CACNA2D2: variants seen among roughly 807,000 people sequenced by gnomAD.
CACNA2D2 encodes the protein voltage-dependent calcium channel subunit alpha-2/delta-2.
CACNA2D2 carries 48 observed loss-of-function variants against 166.4 expected under a neutral mutation model. That is an observed-to-expected ratio of 0.29 (90% CI 0.23 to 0.37). CACNA2D2 has a LOEUF of 0.37. CACNA2D2 is among the 10% of genes least tolerant of loss of function. CACNA2D2 has a pLI of 1.00. For synonymous variants in CACNA2D2, 561 were observed against 573.7 expected (o/e 0.98, Z 0.32); for missense variants, 1,122 against 1,433.0 (o/e 0.78, Z 3.50).
intron 2 of CACNA2D2, among the ~76,000 whole-genome samples, chr3:50,472,339 G>A (rs1710133511): frequency 6.6e-6 from 1 of 152,250 alleles, no homozygotes; most frequent in Non-Finnish European, 1.5e-5. Context: ...CAAGCTATGA[G>A]TGGTTGATGA....
Position 50,367,642 on chromosome 3 carries a change from T to G in CACNA2D2, c.2297A>C (p.Lys766Thr), listed in dbSNP as rs368699159. 6.2e-6 allele frequency: 10 copies of G among 1,611,512 alleles called. No homozygotes were observed. Among genetic ancestry groups the G allele is most frequent in the Non-Finnish European group, 8.5e-6 (10 of 1,178,190 alleles). The stretch of plus-strand genomic sequence containing the variant: ...TTGGGTAGTGGGATAGGTCACTTAC[T>G]TGTTGGGGAAGACTCGGGTGATGCC... The part of the protein sequence containing the change: ...DGGITRVFPN[K>T]AAEDWTENPE... The change falls in exon 26 of 38, where the codon AAG (lysine) becomes ACG (threonine). Residue 766 changes from lysine to threonine, a missense_variant and splice_region_variant. Coordinates refer to ENST00000424201, the MANE Select transcript of CACNA2D2 (RefSeq NM_006030.4). The surrounding 1 kb of genome is among the most constrained non-coding windows in gnomAD (Gnocchi z 6.5).
intron 3 of CACNA2D2, among the ~76,000 whole-genome samples, chr3:50,420,771 T>C (rs1033977054): frequency 2.6e-5 from 4 of 152,184 alleles, no homozygotes; most frequent in African/African-American, 9.7e-5. Flanking sequence ...CCCATCCATG[T>C]GTGGCTATAT....
intron 2 of CACNA2D2, among the ~76,000 whole-genome samples, chr3:50,473,440 T>TG (rs1236955804): frequency 6.6e-6 from 1 of 152,238 alleles, no homozygotes; most frequent in Non-Finnish European, 1.5e-5. Flanking sequence ...CCAAGGGGCC[T>TG]GGATGCCAGA....
intron 2 of CACNA2D2, among the ~76,000 whole-genome samples, chr3:50,475,782 TC>T (rs1710284016): frequency 6.6e-6 from 1 of 152,154 alleles, no homozygotes; most frequent in Admixed American, 6.5e-5. Context: ...CACCCCTGCG[TC>T]CACTGACCCC....
intron 3 of CACNA2D2, among the ~76,000 whole-genome samples, chr3:50,409,195 A>C (rs1706870325): frequency 6.6e-6 from 1 of 152,210 alleles, no homozygotes; most frequent in Non-Finnish European, 1.5e-5. Flanking sequence ...ATTAATGATA[A>C]AACAGAGGAA....
intron 1 of CACNA2D2, among the ~76,000 whole-genome samples, chr3:50,480,615 G>A (rs1698005246): frequency 6.6e-6 from 1 of 151,606 alleles, no homozygotes; most frequent in Non-Finnish European, 1.5e-5. Context: ...AGGAGTTGGG[G>A]AGGGAGAGGG....
intron 13 of CACNA2D2, 102 bp downstream of exon 13, chr3:50,378,813 G>A (rs1002099052): frequency 1.3e-5 from 18 of 1,368,396 alleles, no homozygotes; most frequent in Middle Eastern, 2.4e-4. Flanking sequence ...GTCTTGCAGC[G>A]GGTGAACACA....
At chr3:50,368,896 G>C (rs749451965) in intron 23 of CACNA2D2, among the ~76,000 whole-genome samples, 4 of 152,244 alleles carry the variant, frequency 2.6e-5, no homozygotes, top group Non-Finnish European at 5.9e-5. Context: ...TGCCTAGGAA[G>C]TCTTGGGAGC....
rs1427606406 is a variant in CACNA2D2 at position 50,363,117 on chromosome 3, T to A, written c.*1549A>T. The A allele has an allele frequency of 1.0e-5, 4 of 398,698 alleles. No homozygotes were observed. The highest frequency in any genetic ancestry group is 7.1e-5 in the East Asian group (2 of 28,092). 24.7% of individuals were successfully genotyped at this position (398,698 alleles called of 1,614,324 possible). A position where few individuals can be genotyped will look rare whatever the true frequency, so the allele number is the denominator to read the frequency against. ...GTTTTTCTGTTTTTTAAACTTAAAA[T>A]ATATATTTTTCTGTATATGTTTATA... On this transcript the variant is annotated 3_prime_UTR_variant, in exon 38 of 38. Coordinates refer to ENST00000424201, the MANE Select transcript of CACNA2D2 (RefSeq NM_006030.4).
intron 2 of CACNA2D2, among the ~76,000 whole-genome samples, chr3:50,438,068 G>A (rs1038388666): frequency 6.6e-6 from 1 of 152,238 alleles, no homozygotes; most frequent in African/African-American, 2.4e-5. Flanking sequence ...CCCACAGAGA[G>A]TGCCAGGATG....
At chr3:50,429,476 G>A (rs1707961814) in intron 3 of CACNA2D2, among the ~76,000 whole-genome samples, 1 of 151,748 alleles carries the variant, frequency 6.6e-6, no homozygotes, top group African/African-American at 2.4e-5. Flanking sequence ...ACTCTGGCCG[G>A]GCGCGGTGGC....
At chr3:50,499,577 C>A (rs1463318698) in intron 1 of CACNA2D2, among the ~76,000 whole-genome samples, 2 of 152,166 alleles carry the variant, frequency 1.3e-5, no homozygotes, top group Admixed American at 6.5e-5. Flanking sequence ...CAAACTACAT[C>A]CTCCCAGGAG....
Position 50,499,592 on chromosome 3 carries a change from CA to C in CACNA2D2, c.206+3625del, listed in dbSNP as rs201496304. Among the ~76,000 whole-genome samples, 1,262 of 152,342 alleles carry C rather than the reference CA, an allele frequency of 8.3e-3. 22 individuals are homozygous for C. Among genetic ancestry groups the C allele is most frequent in the African/African-American group, 0.027 (1,120 of 41,572 alleles). On this transcript the variant is annotated intron_variant, in intron 1 of 37. Transcript: ENST00000424201. ...CAAACTACATCCTCCCAGGAGCTGG[CA>C]GTGTCCACCCATACACATCTGAGAT...
intron 1 of CACNA2D2, among the ~76,000 whole-genome samples, chr3:50,501,576 G>A (rs1408051480): frequency 2.0e-5 from 3 of 152,218 alleles, no homozygotes; most frequent in African/African-American, 7.2e-5. Flanking sequence ...GCCTTCTAGA[G>A]GAGACTCGTG....
rs1295370892 is a variant in CACNA2D2, at chr3:50,380,912, G to A, written c.784+83C>T. On this transcript the variant is annotated intron_variant, in intron 7 of 37. Transcript: ENST00000424201. This position sits in a 1 kb window ranked among gnomAD's most constrained non-coding sequence, Gnocchi z 4.9. Reference sequence around the variant, plus strand: ...CCACAGACTACAGAGAAGCCACCCCGCCCCATGCCCCCAGGATGGGTGGGC... The same window carrying A: ...CCACAGACTACAGAGAAGCCACCCCACCCCATGCCCCCAGGATGGGTGGGC... The A allele has an allele frequency of 6.1e-5, 96 of 1,573,548 alleles. No individual in the cohort carries two copies. Among genetic ancestry groups the A allele is most frequent in the Non-Finnish European group, 4.2e-5 (49 of 1,154,676 alleles).
At chr3:50,364,841 C>G in intron 37 of CACNA2D2, 35 bp from the exon 38 acceptor site, 2 of 1,613,082 alleles carry the variant, frequency 1.2e-6, no homozygotes, top group Non-Finnish European at 1.7e-6. Context: ...TCGGCCTGGG[C>G]GGGCGCAAGG....
chr3:50,503,163 G>A (rs898629456), intron 1 of CACNA2D2, 55 bp downstream of exon 1: 15 of 1,056,192 alleles, frequency 1.4e-5, no homozygotes, highest in Non-Finnish European at 1.8e-5. Context: ...CGGACCGGGG[G>A]CAGAGCGGGG....
intron 5 of CACNA2D2, 21 bp downstream of exon 5, chr3:50,387,547 G>A: frequency 1.9e-6 from 3 of 1,610,042 alleles, no homozygotes; most frequent in Non-Finnish European, 2.6e-6. Context: ...AAGGAGGTGT[G>A]GCTCAGGAGG....
At chr3:50,397,519 C>A (rs749334363) in intron 3 of CACNA2D2, among the ~76,000 whole-genome samples, 1 of 152,106 alleles carries the variant, frequency 6.6e-6, no homozygotes, top group African/African-American at 2.4e-5. Context: ...TTGAAGCCCC[C>A]GAGTCCTGGC....
Sources: gnomAD v4.1 joint callset for allele counts (sites outside exome capture counted in the v4.1 genomes callset) on GRCh38, gnomAD v4.1.1 for gene constraint, Gnocchi (gnomAD v3.1) non-coding constraint, MANE v1.5 for transcripts, NCBI Gene and HGNC (gene_info 2026-07-23, HGNC 2026-07-21) for gene names.